The following NPAS3 variants were observed in gnomAD, a reference collection of about 807,000 sequenced individuals.
NPAS3 encodes neuronal PAS domain-containing protein 3.
NPAS3 carries 14 observed loss-of-function variants against 73.1 expected under a neutral mutation model. The observed-to-expected ratio is 0.19, with a 90% CI of 0.13 to 0.30. The LOEUF (loss-of-function observed/expected upper bound fraction) is 0.30. Among genes scored for constraint, NPAS3 ranks in the 10% least tolerant of loss-of-function variants. The pLI, the probability that NPAS3 is intolerant of heterozygous loss-of-function variation, is 1.00. For missense variants in NPAS3, 1,096 were observed against 1,250.0 expected, an observed-to-expected ratio of 0.88 and a Z score of 1.86; for synonymous variants, 620 against 541.5, an observed-to-expected ratio of 1.14 and a Z score of -2.01.
chr14:33,454,434 T>C (rs2049935826), intron 4 of NPAS3, among the ~76,000 whole-genome samples: 1 of 152,198 alleles, frequency 6.6e-6, no homozygotes, highest in South Asian at 2.1e-4. Flanking sequence ...ACTCCACCTT[T>C]AAGGCCCCAC....
intron 9 of NPAS3, among the ~76,000 whole-genome samples, chr14:33,788,677 G>T (rs1016695765): frequency 6.6e-6 from 1 of 152,082 alleles, no homozygotes; most frequent in African/African-American, 2.4e-5. Flanking sequence ...AACTTGTACT[G>T]ATTTGTTTTG....
intron 5 of NPAS3, among the ~76,000 whole-genome samples, chr14:33,588,280 C>T (rs914133748): frequency 6.6e-6 from 1 of 152,146 alleles, no homozygotes; most frequent in Admixed American, 6.5e-5. Context: ...GTGATATGAA[C>T]ATATTGTCTC....
intron 7 of NPAS3, among the ~76,000 whole-genome samples, chr14:33,762,569 C>T (rs1566511294): frequency 1.3e-5 from 2 of 151,856 alleles, no homozygotes; most frequent in African/African-American, 4.8e-5. Flanking sequence ...TTTGGGGGCT[C>T]TTTTTTTTAA....
intron 2 of NPAS3, among the ~76,000 whole-genome samples, chr14:33,145,075 G>A (rs116964432): frequency 0.018 from 2,710 of 152,226 alleles, 42 homozygotes; most frequent in Middle Eastern, 0.041. Flanking sequence ...TGATATTTAA[G>A]TTACAGGGGA....
chr14:33,504,289 G>T (rs1376792192), intron 4 of NPAS3, among the ~76,000 whole-genome samples: 1 of 151,866 alleles, frequency 6.6e-6, no homozygotes, highest in Non-Finnish European at 1.5e-5. Context: ...TTTTTCTTAT[G>T]TTGTGTGTTA....
chr14:32,964,088 A>G (rs570292192), intron 1 of NPAS3, among the ~76,000 whole-genome samples: 1 of 150,644 alleles, frequency 6.6e-6, no homozygotes, highest in East Asian at 2.0e-4. Flanking sequence ...AAAATGACCG[A>G]TAATATCCAA....
chr14:33,695,236 A>T (rs929877158), intron 6 of NPAS3, among the ~76,000 whole-genome samples: 1 of 152,316 alleles, frequency 6.6e-6, no homozygotes, highest in Non-Finnish European at 1.5e-5. Context: ...TACAATTTAT[A>T]TGTAAAGCTG....
chr14:32,983,600 T>A (rs912110792), intron 1 of NPAS3, among the ~76,000 whole-genome samples: 2 of 152,146 alleles, frequency 1.3e-5, no homozygotes, highest in Non-Finnish European at 2.9e-5. Context: ...TAAATTTAAA[T>A]CTTTGGCTGA....
At chr14:33,340,698 G>A (rs978047719) in intron 3 of NPAS3, among the ~76,000 whole-genome samples, 8 of 152,096 alleles carry the variant, frequency 5.3e-5, no homozygotes, top group Admixed American at 2.6e-4. Context: ...AGCCTTCCCC[G>A]ATCAGCTCTG....
At chr14:33,075,586 G>T (rs2041629700) in intron 2 of NPAS3, among the ~76,000 whole-genome samples, 2 of 152,200 alleles carry the variant, frequency 1.3e-5, no homozygotes, top group African/African-American at 4.8e-5. Context: ...TCTGCAAGTT[G>T]CTAGAACACA....
At chr14:33,026,883 C>T (rs536308358) in intron 1 of NPAS3, among the ~76,000 whole-genome samples, 12 of 152,288 alleles carry the variant, frequency 7.9e-5, no homozygotes, top group African/African-American at 2.6e-4. Flanking sequence ...CCCTACACCC[C>T]TTTCCCTTTT....
At chr14:32,960,281 A>G (rs2036856154) in intron 1 of NPAS3, among the ~76,000 whole-genome samples, 1 of 152,216 alleles carries the variant, frequency 6.6e-6, no homozygotes, top group South Asian at 2.1e-4. Context: ...GAGAAGCAGG[A>G]AAAATAATAT....
At chr14:33,777,959 C>T (rs2062873046) in intron 8 of NPAS3, among the ~76,000 whole-genome samples, 2 of 152,216 alleles carry the variant, frequency 1.3e-5, no homozygotes, top group Admixed American at 6.5e-5. Context: ...TATGTCTCAG[C>T]ATTTAAATTA....
intron 4 of NPAS3, among the ~76,000 whole-genome samples, chr14:33,405,522 G>A (rs1335188723): frequency 6.6e-6 from 1 of 152,066 alleles, no homozygotes; most frequent in African/African-American, 2.4e-5. Context: ...TGAGGAACTT[G>A]ACCAGGTCAA....
intron 5 of NPAS3, among the ~76,000 whole-genome samples, chr14:33,584,408 A>C (rs1307213094): frequency 6.6e-6 from 1 of 151,862 alleles, no homozygotes; most frequent in Non-Finnish European, 1.5e-5. Context: ...ATTTAAAAAA[A>C]AAAAGGGGGA....
chr14:33,738,454 A>G (rs2061577588), intron 7 of NPAS3, among the ~76,000 whole-genome samples: 1 of 152,116 alleles, frequency 6.6e-6, no homozygotes, highest in Admixed American at 6.6e-5. Context: ...ATCCCACTGC[A>G]CTAGTGTATC....
At chr14:33,354,602 C>T (rs778773525) in intron 3 of NPAS3, among the ~76,000 whole-genome samples, 5 of 152,206 alleles carry the variant, frequency 3.3e-5, no homozygotes, top group African/African-American at 4.8e-5. Flanking sequence ...CAATTCTGCG[C>T]CTCAGGCCCT....
intron 5 of NPAS3, among the ~76,000 whole-genome samples, chr14:33,656,783 C>G (rs1387214565): frequency 6.6e-6 from 1 of 152,158 alleles, no homozygotes; most frequent in African/African-American, 2.4e-5. Context: ...ACTGTAGTCT[C>G]CATGCTGTAC....
intron 2 of NPAS3, among the ~76,000 whole-genome samples, chr14:33,208,103 C>G (rs2046897907): frequency 1.4e-5 from 1 of 73,682 alleles, no homozygotes; most frequent in African/African-American, 5.8e-5. Context: ...GATAAAACTG[C>G]AGTTTTTTTT....
Sources: allele counts gnomAD v4.1 joint callset (sites outside exome capture counted in the v4.1 genomes callset), GRCh38; gene constraint gnomAD v4.1.1; transcripts MANE v1.5; gene names NCBI Gene and HGNC (gene_info 2026-07-23, HGNC 2026-07-21).